PPM1H: variants seen among roughly 807,000 people sequenced by gnomAD.
PPM1H encodes the protein protein phosphatase, Mg2+/Mn2+ dependent 1H.
A neutral mutation model predicts 54.9 loss-of-function variants in PPM1H; 27 were observed. The ratio of observed to expected loss-of-function variants is 0.49; its 90% confidence interval spans 0.36 to 0.68. PPM1H has a LOEUF of 0.68. Among genes scored for constraint, PPM1H ranks in the 30% least tolerant of loss-of-function variants. The probability of loss-of-function intolerance (pLI) is 0.00; values close to 1 mark genes in which losing one functional copy is unlikely to be tolerated. For missense variants in PPM1H, 596 were observed against 667.8 expected (o/e 0.89, Z 1.19); for synonymous variants, 305 against 270.8 (o/e 1.13, Z -1.24).
intron 7 of PPM1H, among the ~76,000 whole-genome samples, chr12:62,691,355 G>A (rs2076081850): frequency 6.6e-6 from 1 of 152,210 alleles, no homozygotes; most frequent in Admixed American, 6.5e-5. Flanking sequence ...TGGGGATGAA[G>A]TAAATAAATG....
chr12:62,763,924 G>A (rs940326495), intron 4 of PPM1H, among the ~76,000 whole-genome samples: 2 of 152,086 alleles, frequency 1.3e-5, no homozygotes, highest in African/African-American at 4.8e-5. Context: ...TGAGAGAGCC[G>A]ACGTCCTAAG....
At chr12:62,911,525 G>A (rs909708691) in intron 1 of PPM1H, among the ~76,000 whole-genome samples, 3 of 152,176 alleles carry the variant, frequency 2.0e-5, no homozygotes, top group Non-Finnish European at 2.9e-5. Context: ...CTTACAGTGT[G>A]TGAGGGCACC....
chr12:62,686,992 G>A (rs2076056646), intron 8 of PPM1H, among the ~76,000 whole-genome samples: 1 of 152,178 alleles, frequency 6.6e-6, no homozygotes, highest in African/African-American at 2.4e-5. Flanking sequence ...AAATACACAG[G>A]CTGGGAAGTC....
chr12:62,816,282 C>T (rs1255674570), intron 2 of PPM1H, among the ~76,000 whole-genome samples: 1 of 152,202 alleles, frequency 6.6e-6, no homozygotes, highest in East Asian at 1.9e-4. Flanking sequence ...AATAATAATA[C>T]ATATTTATGC....
In PPM1H at chr12:62,875,547, C is replaced by T. The variant is rs529458179; in HGVS notation, c.246-43268G>A. On this transcript the variant is annotated intron_variant, in intron 1 of 9. Coordinates refer to ENST00000228705, the MANE Select transcript of PPM1H (RefSeq NM_020700.2). ...CAAAATTAGGCTTTAGGAATGGGCT[C>T]GTTAAAATACCATGAATATTTTTCT... 2.0e-5 allele frequency among the ~76,000 whole-genome samples: 3 copies of T among 152,176 alleles called. 1 individual carries two copies. The South Asian group carries it at 6.2e-4, about 32-fold the overall frequency.
At chr12:62,832,523 G>A (rs965173151) in intron 1 of PPM1H, among the ~76,000 whole-genome samples, 1 of 152,166 alleles carries the variant, frequency 6.6e-6, no homozygotes, top group Non-Finnish European at 1.5e-5. Flanking sequence ...TCACCCACAG[G>A]TGTCTGATAG....
intron 1 of PPM1H, among the ~76,000 whole-genome samples, chr12:62,849,795 G>C (rs1293636366): frequency 6.6e-6 from 1 of 152,112 alleles, no homozygotes; most frequent in Non-Finnish European, 1.5e-5. Flanking sequence ...TCACTTGTCT[G>C]CTTCCTTTTT....
intron 4 of PPM1H, among the ~76,000 whole-genome samples, chr12:62,781,363 G>A (rs7303205): frequency 0.13 from 19,540 of 152,250 alleles, 1,605 homozygotes; most frequent in African/African-American, 0.23. Flanking sequence ...AGGCTGCAGA[G>A]TGGAAGGGGA....
chr12:62,841,471 G>A (rs1424837387), intron 1 of PPM1H, among the ~76,000 whole-genome samples: 1 of 152,166 alleles, frequency 6.6e-6, no homozygotes, highest in East Asian at 1.9e-4. Flanking sequence ...TAATGGCAGA[G>A]TTATTAGTAG....
intron 4 of PPM1H, among the ~76,000 whole-genome samples, chr12:62,775,626 C>CAT (rs1168666251): frequency 1.3e-5 from 2 of 152,152 alleles, no homozygotes; most frequent in Non-Finnish European, 1.5e-5. Flanking sequence ...TGTACACACA[C>CAT]ACACATACAC....
intron 1 of PPM1H, among the ~76,000 whole-genome samples, chr12:62,832,543 A>G (rs1487126762): frequency 6.6e-6 from 1 of 152,218 alleles, no homozygotes; most frequent in Non-Finnish European, 1.5e-5. Flanking sequence ...GATGTGATCA[A>G]ATACACTAAT....
At chr12:62,878,935 G>A (rs919869365) in intron 1 of PPM1H, among the ~76,000 whole-genome samples, 2 of 151,976 alleles carry the variant, frequency 1.3e-5, no homozygotes, top group Admixed American at 6.6e-5. Flanking sequence ...GCAAGACTCC[G>A]TCTCAAAAAA....
intron 1 of PPM1H, among the ~76,000 whole-genome samples, chr12:62,838,340 G>C (rs60878841): frequency 1.9e-5 from 2 of 106,264 alleles, no homozygotes; most frequent in African/African-American, 1.0e-4. Flanking sequence ...TGTGTGTGTG[G>C]GGGGGGGGAG....
At chr12:62,684,313 G>C (rs2076040131) in intron 8 of PPM1H, among the ~76,000 whole-genome samples, 1 of 152,186 alleles carries the variant, frequency 6.6e-6, no homozygotes, top group Admixed American at 6.5e-5. Context: ...CCCTGCCTTA[G>C]ACTGGGGAAG....
chr12:62,875,306 A>C (rs1870121057), intron 1 of PPM1H, among the ~76,000 whole-genome samples: 1 of 152,160 alleles, frequency 6.6e-6, no homozygotes, highest in Non-Finnish European at 1.5e-5. Context: ...CCCCCCAAAA[A>C]TCCTAATCAG....
At chr12:62,677,221 T>C (rs528522101) in intron 8 of PPM1H, among the ~76,000 whole-genome samples, 1 of 152,198 alleles carries the variant, frequency 6.6e-6, no homozygotes, top group Non-Finnish European at 1.5e-5. Flanking sequence ...CTCTTCACCT[T>C]GCTCACCCTC....
At chr12:62,817,453 C>A (rs549964737) in intron 2 of PPM1H, among the ~76,000 whole-genome samples, 18 of 148,842 alleles carry the variant, frequency 1.2e-4, no homozygotes, top group African/African-American at 4.1e-4. Flanking sequence ...CAGAGAGAGA[C>A]CCTGTCTCAA....
chr12:62,704,781 T>C (rs1035343290), intron 6 of PPM1H, among the ~76,000 whole-genome samples: 10 of 152,150 alleles, frequency 6.6e-5, no homozygotes, highest in African/African-American at 1.9e-4. Flanking sequence ...AAACTCTCCA[T>C]AATGGGGCCC....
intron 3 of PPM1H, 89 bp downstream of exon 3, chr12:62,801,727 C>A (rs904389351): frequency 5.0e-6 from 7 of 1,407,352 alleles, no homozygotes; most frequent in Non-Finnish European, 6.8e-6. Flanking sequence ...CAAAACCGTG[C>A]GCTTTCTGGG....
Sources: gnomAD v4.1 joint callset for allele counts (sites outside exome capture counted in the v4.1 genomes callset) on GRCh38, gnomAD v4.1.1 for gene constraint, MANE v1.5 for transcripts, NCBI Gene and HGNC (gene_info 2026-07-23, HGNC 2026-07-21) for gene names.